The following EPB41L5 variants were observed in gnomAD, a reference collection of about 807,000 sequenced individuals.
EPB41L5 encodes the protein band 4.1-like protein 5.
In EPB41L5, 55 loss-of-function variants were observed where a neutral mutation model predicts 106.6. The observed-to-expected ratio is 0.52, with a 90% CI of 0.42 to 0.65. EPB41L5 has a LOEUF of 0.65. EPB41L5 is among the 30% of genes least tolerant of loss of function. The pLI is 0.00. For synonymous variants in EPB41L5, 297 were observed against 306.7 expected (o/e 0.97, Z 0.33); for missense variants, 871 against 882.1 (o/e 0.99, Z 0.16).
At chr2:120,070,235 A>C (rs1681763611) in intron 3 of EPB41L5, among the ~76,000 whole-genome samples, 1 of 152,212 alleles carries the variant, frequency 6.6e-6, no homozygotes, top group Admixed American at 6.5e-5. Context: ...ATTTAGAAGA[A>C]ATGGATAAAT....
chr2:120,120,236 C>T (rs1467511026), intron 16 of EPB41L5, among the ~76,000 whole-genome samples: 2 of 151,920 alleles, frequency 1.3e-5, no homozygotes, highest in Non-Finnish European at 2.9e-5. Flanking sequence ...CGAGACCAGC[C>T]TGGCCAACAT....
Position 120,069,534 on chromosome 2 carries a change from C to A in EPB41L5, c.286-3644C>A, listed in dbSNP as rs138339389. 7.6e-3 allele frequency among the ~76,000 whole-genome samples: 1,161 copies of A among 152,244 alleles called. 17 individuals carry two copies. Among genetic ancestry groups the A allele is most frequent in the African/African-American group, 0.026 (1,071 of 41,544 alleles). On this transcript the variant is annotated intron_variant, in intron 3 of 24. Coordinates refer to ENST00000263713, the MANE Select transcript of EPB41L5 (RefSeq NM_020909.4). The stretch of plus-strand genomic sequence containing the variant: ...AGAATATACATTCTTCTCATCACTA[C>A]ATCACACTTTAAAATTGACCACATA...
At chr2:120,104,474 CA>C in intron 16 of EPB41L5, 1 of 1,200,776 alleles carries the variant, frequency 8.3e-7, no homozygotes, top group Non-Finnish European at 1.0e-6. Flanking sequence ...GTGTGTATAC[CA>C]TTGTGGTTTT....
At chr2:120,114,268 C>A (rs1453155295) in intron 16 of EPB41L5, among the ~76,000 whole-genome samples, 1 of 152,174 alleles carries the variant, frequency 6.6e-6, no homozygotes, top group African/African-American at 2.4e-5. Context: ...CAGACAGTTT[C>A]CAACTTAATG....
chr2:120,046,501 GTTGTT>G (rs893181563), intron 3 of EPB41L5, among the ~76,000 whole-genome samples: 4 of 148,260 alleles, frequency 2.7e-5, no homozygotes, highest in African/African-American at 7.4e-5. Context: ...TTTTGATGGG[GTTGTT>G]TTTTTTTTTT....
intron 3 of EPB41L5, among the ~76,000 whole-genome samples, chr2:120,048,560 C>T (rs1277158049): frequency 6.6e-6 from 1 of 151,620 alleles, no homozygotes. Context: ...ATTAGTCTTG[C>T]TAGCGGTCTG....
chr2:120,078,320 T>C (rs565329842), intron 9 of EPB41L5, among the ~76,000 whole-genome samples, 173 bp from the exon 10 acceptor site: 1 of 152,294 alleles, frequency 6.6e-6, no homozygotes, highest in East Asian at 1.9e-4. Context: ...TATGCATAAA[T>C]TTTTCTGAGA....
At chr2:120,107,255 C>G (rs1333885946) in intron 16 of EPB41L5, among the ~76,000 whole-genome samples, 1 of 152,048 alleles carries the variant, frequency 6.6e-6, no homozygotes, top group Non-Finnish European at 1.5e-5. Context: ...AGGGCACACT[C>G]TTCATTTCTA....
chr2:120,140,323 T>C (rs1313983106), intron 18 of EPB41L5, among the ~76,000 whole-genome samples: 1 of 151,966 alleles, frequency 6.6e-6, no homozygotes, highest in Non-Finnish European at 1.5e-5. Flanking sequence ...ACACAAGAAA[T>C]GATAAATGTT....
At chr2:120,080,772 G>A (rs968416284) in intron 10 of EPB41L5, among the ~76,000 whole-genome samples, 3 of 152,192 alleles carry the variant, frequency 2.0e-5, no homozygotes, top group African/African-American at 2.4e-5. Context: ...AGCACCTTCT[G>A]TTTCCTGACT....
Position 120,143,046 on chromosome 2 carries a change from T to C in EPB41L5, c.1643T>C (p.Ile548Thr), listed in dbSNP as rs1209940082. 4 of 1,613,098 alleles carry C rather than the reference T, an allele frequency of 2.5e-6. No homozygotes were observed. In the African/African-American group the frequency reaches 5.3e-5, roughly 22 times the overall value. Residue 548 changes from isoleucine (I) to threonine (T), a missense_variant, in exon 19 of 25, where the codon ATT becomes ACT. Transcript: ENST00000263713. Reference sequence around the variant, plus strand: ...ACTGAGAAATGCCTTAATAATGTCATTGAGAGCCCAGGATTGAATGTCATG... The same window carrying C: ...ACTGAGAAATGCCTTAATAATGTCACTGAGAGCCCAGGATTGAATGTCATG... ...KLTEKCLNNV[I>T]ESPGLNVMRV...
chr2:120,040,527 A>G (rs1387417518), intron 2 of EPB41L5, among the ~76,000 whole-genome samples: 1 of 152,242 alleles, frequency 6.6e-6, no homozygotes, highest in East Asian at 1.9e-4. Context: ...GCCTTAGAAG[A>G]TAAGCCATAC....
intron 2 of EPB41L5, among the ~76,000 whole-genome samples, chr2:120,033,991 G>A (rs1440890353): frequency 6.6e-6 from 1 of 152,026 alleles, no homozygotes; most frequent in Admixed American, 6.5e-5. Flanking sequence ...AGCTACTTGG[G>A]AGGCCAAGGT....
At chr2:120,114,695 A>T (rs913355777) in intron 16 of EPB41L5, among the ~76,000 whole-genome samples, 1 of 152,132 alleles carries the variant, frequency 6.6e-6, no homozygotes, top group Admixed American at 6.6e-5. Flanking sequence ...TACTTTTGAA[A>T]ATTTTTTTAT....
intron 10 of EPB41L5, among the ~76,000 whole-genome samples, chr2:120,082,766 A>G (rs1039092668): frequency 1.3e-5 from 2 of 152,164 alleles, no homozygotes; most frequent in Admixed American, 6.6e-5. Context: ...ACTATTAATT[A>G]TTGCCTCAAT....
chr2:120,106,518 A>G, intron 16 of EPB41L5: 2 of 985,370 alleles, frequency 2.0e-6, no homozygotes, highest in South Asian at 9.4e-5. Flanking sequence ...ATAAATTCGG[A>G]ATTAGAGAAG....
intron 10 of EPB41L5, among the ~76,000 whole-genome samples, chr2:120,084,033 G>A (rs989687300): frequency 6.6e-6 from 1 of 152,072 alleles, no homozygotes; most frequent in African/African-American, 2.4e-5. Context: ...CAGCACACTG[G>A]TGGGTCTTGA....
intron 23 of EPB41L5, 128 bp from the exon 24 acceptor site, chr2:120,167,749 A>G (rs1687479866): frequency 8.1e-7 from 1 of 1,239,754 alleles, no homozygotes; most frequent in South Asian, 1.4e-5. Flanking sequence ...AAAACAAAAC[A>G]AACAGTCATA....
chr2:120,113,022 A>C (rs1684790328), intron 16 of EPB41L5, among the ~76,000 whole-genome samples: 1 of 150,090 alleles, frequency 6.7e-6, no homozygotes, highest in African/African-American at 2.5e-5. Flanking sequence ...GAATGTAATA[A>C]TTCTATTTTA....
Sources: allele counts gnomAD v4.1 joint callset (sites outside exome capture counted in the v4.1 genomes callset), GRCh38; gene constraint gnomAD v4.1.1; transcripts MANE v1.5; gene names NCBI Gene and HGNC (gene_info 2026-07-23, HGNC 2026-07-21).